Variants in KLHL20 observed in about 807,000 individuals in gnomAD.
KLHL20 encodes kelch-like protein 20.
KLHL20 carries 29 observed loss-of-function variants against 69.5 expected under a neutral mutation model. The ratio of observed to expected loss-of-function variants is 0.42; its 90% CI spans 0.31 to 0.57. The LOEUF (loss-of-function observed/expected upper bound fraction) is 0.57, where lower values mean the gene tolerates loss of function less well. Ranked by LOEUF, KLHL20 falls within the 20% of genes least tolerant of loss-of-function variation. The pLI is 0.18. For missense variants in KLHL20, 419 were observed against 776.0 expected (o/e 0.54, Z 5.47); for synonymous variants, 253 against 265.2 (o/e 0.95, Z 0.45).
chr1:173,765,338 C>T (rs1647623245), intron 7 of KLHL20, among the ~76,000 whole-genome samples: 1 of 152,054 alleles, frequency 6.6e-6, no homozygotes, highest in Non-Finnish European at 1.5e-5. Context: ...CCCGTCTCTA[C>T]TAAAAATACA....
At chr1:173,742,027 TATGTC>T in intron 3 of KLHL20, 1 of 473,222 alleles carries the variant, frequency 2.1e-6, no homozygotes, top group Non-Finnish European at 3.7e-6. Flanking sequence ...TTAATCTCCT[TATGTC>T]AAGAGCTTCT....
At chr1:173,737,838 C>T (rs1672606207) in intron 3 of KLHL20, among the ~76,000 whole-genome samples, 1 of 152,132 alleles carries the variant, frequency 6.6e-6, no homozygotes, top group African/African-American at 2.4e-5. Context: ...TCTACCCATT[C>T]ATGAGCATGA....
In KLHL20 at chr1:173,756,966, A is replaced by G. The variant is rs764961996; in HGVS notation, c.968-10A>G. 1 of 1,612,030 alleles carries G rather than the reference A, an allele frequency of 6.2e-7. No individual in the cohort carries two copies. The highest frequency in any genetic ancestry group is 8.5e-7 in the Non-Finnish European group (1 of 1,178,618). ...TAGGATTCTCTTGACCATTTCTGTT[A>G]CTTCCCCAGTTGGTGGTTGGTGCAG... On this transcript the variant is annotated splice_polypyrimidine_tract_variant and intron_variant, in intron 6 of 11. Transcript: ENST00000209884.
chr1:173,741,624 A>G (rs1672812873), intron 3 of KLHL20: 2 of 468,606 alleles, frequency 4.3e-6, no homozygotes, highest in South Asian at 1.7e-4. Flanking sequence ...AAGCTGGGGA[A>G]AAATATCTGT....
chr1:173,754,080 T>A (rs1673429982), intron 5 of KLHL20, among the ~76,000 whole-genome samples: 1 of 152,194 alleles, frequency 6.6e-6, no homozygotes, highest in South Asian at 2.1e-4. Flanking sequence ...ATTAAAGACA[T>A]TTAGAATGAT....
chr1:173,729,473 A>G (rs567348363), intron 2 of KLHL20, among the ~76,000 whole-genome samples: 41 of 152,366 alleles, frequency 2.7e-4, no homozygotes, highest in Admixed American at 2.7e-3. Context: ...AAAACTTCTC[A>G]ATAAAATACT....
At chr1:173,769,899 AAAT>A (rs1387235873) in intron 8 of KLHL20, among the ~76,000 whole-genome samples, 1 of 152,116 alleles carries the variant, frequency 6.6e-6, no homozygotes, top group East Asian at 1.9e-4. Flanking sequence ...CAAAAGTTAA[AAAT>A]ACAAAAAAAT....
chr1:173,784,248 G>C (rs1050234044), intron 11 of KLHL20, among the ~76,000 whole-genome samples: 1 of 152,140 alleles, frequency 6.6e-6, no homozygotes, highest in Non-Finnish European at 1.5e-5. Flanking sequence ...AGGTGTTCAG[G>C]GAAGGCCTCA....
chr1:173,733,964 A>G lies in KLHL20; in HGVS notation c.275A>G (p.Tyr92Cys). 6.2e-7 allele frequency: 1 copy of G among 1,614,186 alleles called. No individual in the cohort carries two copies. The highest frequency in any genetic ancestry group is 8.5e-7 in the Non-Finnish European group (1 of 1,180,036). Reference protein sequence around the residue: ...HRVILSACSPYFRAMFTGELA... With the variant: ...HRVILSACSPCFRAMFTGELA... ...GTCATTTTGTCAGCCTGTAGTCCCT[A>G]CTTCCGAGCTATGTTTACAGGAGAA... The change falls in exon 3 of 12, where the codon TAC becomes TGC. Residue 92 changes from tyrosine to cysteine, a missense_variant. This residue lies in a region of KLHL20 where 129 missense variants were observed against 183.6 expected (regional missense o/e 0.70). Transcript: ENST00000209884.
At chr1:173,755,781 A>G (rs1673524298) in intron 5 of KLHL20, 142 bp from the exon 6 acceptor site, 2 of 585,678 alleles carry the variant, frequency 3.4e-6, no homozygotes, top group Non-Finnish European at 6.1e-6. Flanking sequence ...GTTTGTGCCA[A>G]TTTTAATATT....
intron 2 of KLHL20, among the ~76,000 whole-genome samples, chr1:173,717,167 C>T (rs1671504364): frequency 6.6e-6 from 1 of 152,104 alleles, no homozygotes; most frequent in Non-Finnish European, 1.5e-5. Flanking sequence ...TTGCAAAACC[C>T]ACTGATTGTG....
At chr1:173,769,218 G>A (rs926368817) in intron 8 of KLHL20, among the ~76,000 whole-genome samples, 7 of 152,112 alleles carry the variant, frequency 4.6e-5, no homozygotes, top group African/African-American at 1.7e-4. Flanking sequence ...CATGTGCCTG[G>A]TTGTGACAAC....
Position 173,751,821 on chromosome 1 carries a change from T to G in KLHL20, c.655T>G (p.Ser219Ala). 6 of 1,614,010 alleles carry G rather than the reference T, an allele frequency of 3.7e-6. No individual in the cohort carries two copies. The South Asian group carries it at 6.6e-5, about 18-fold the overall frequency. Residue 219 changes from serine (S) to alanine (A), a missense_variant, in exon 4 of 12, where the codon TCC (serine) becomes GCC (alanine). Physicochemically the swap from Ser to Ala is moderately conservative, Grantham distance 99. Transcript: ENST00000209884. ...AGCCAATCAACTCATTGATATAATA[T>G]CCAGTGATGAGCTAAACGTTCGCAG... ...LPANQLIDII[S>A]SDELNVRSEE...
intron 7 of KLHL20, among the ~76,000 whole-genome samples, chr1:173,763,599 T>C (rs1647461230): frequency 6.6e-6 from 1 of 152,106 alleles, no homozygotes; most frequent in Non-Finnish European, 1.5e-5. Flanking sequence ...TACAGCCAAC[T>C]GATCTTCAAC....
At chr1:173,767,189 C>T (rs938586536) in intron 8 of KLHL20, among the ~76,000 whole-genome samples, 14 of 152,108 alleles carry the variant, frequency 9.2e-5, no homozygotes, top group African/African-American at 2.7e-4. Flanking sequence ...ACTTAATGTC[C>T]TCCAGGTTTA....
chr1:173,745,543 C>T (rs566078755), intron 3 of KLHL20, among the ~76,000 whole-genome samples: 115 of 152,174 alleles, frequency 7.6e-4, no homozygotes, highest in African/African-American at 2.6e-3. Flanking sequence ...TATCTTCTAA[C>T]TGGTAATCAT....
chr1:173,734,507 C>A, intron 3 of KLHL20: 1 of 528,678 alleles, frequency 1.9e-6, no homozygotes, highest in South Asian at 2.4e-5. Context: ...TAACTGTATT[C>A]ATAAAAGTAT....
At chr1:173,758,406 C>A (rs543246259) in intron 7 of KLHL20, among the ~76,000 whole-genome samples, 2 of 152,206 alleles carry the variant, frequency 1.3e-5, no homozygotes, top group African/African-American at 4.8e-5. Context: ...AGCTCCAGAC[C>A]GGGCAACATG....
At chr1:173,769,111 C>T (rs1050266179) in intron 8 of KLHL20, among the ~76,000 whole-genome samples, 3 of 152,176 alleles carry the variant, frequency 2.0e-5, no homozygotes, top group South Asian at 2.1e-4. Context: ...ACACTACTGG[C>T]GTTTTGGGTC....
Sources: allele counts gnomAD v4.1 joint callset (sites outside exome capture counted in the v4.1 genomes callset), GRCh38; gene constraint gnomAD v4.1.1; regional missense constraint gnomAD v4.1.1; transcripts MANE v1.5; gene names NCBI Gene and HGNC (gene_info 2026-07-23, HGNC 2026-07-21).